GRAMD1B: variants seen among roughly 807,000 people sequenced by gnomAD.
GRAMD1B encodes the protein GRAM domain containing 1B, also known as protein Aster-B.
GRAMD1B carries 37 observed loss-of-function variants against 99.7 expected under a neutral mutation model. The observed-to-expected ratio is 0.37, with a 90% CI of 0.29 to 0.49. GRAMD1B has a LOEUF of 0.49. Among genes scored for constraint, GRAMD1B ranks in the 20% least tolerant of loss-of-function variants. GRAMD1B has a pLI of 0.98. For synonymous variants in GRAMD1B, 427 were observed against 387.6 expected (o/e 1.10, Z -1.19); for missense variants, 888 against 1,009.2 (o/e 0.88, Z 1.63).
At chr11:123,545,662 G>A (rs1470924492) in intron 2 of GRAMD1B, among the ~76,000 whole-genome samples, 1 of 152,116 alleles carries the variant, frequency 6.6e-6, no homozygotes, top group African/African-American at 2.4e-5. Context: ...ATTGTTATGA[G>A]AATTAAAGGA....
chr11:123,431,063 C>G lies in GRAMD1B; in HGVS notation c.271C>G (p.Pro91Ala). 1.4e-6 allele frequency: 1 copy of G among 703,044 alleles called. No individual in the cohort carries two copies. Among genetic ancestry groups the G allele is most frequent in the Non-Finnish European group, 2.6e-6 (1 of 384,998 alleles). The allele number at this position is 703,044 out of a possible 1,614,324, so 43.6% of individuals were successfully genotyped here. The change falls in exon 1 of 20, where the codon CCG becomes GCG. Residue 91 changes from proline (P) to alanine (A), a missense_variant. Coordinates refer to ENST00000635736, the MANE Select transcript of GRAMD1B (RefSeq NM_001387025.1). ...EITPSSDEDT[P>A]WSNCSTPSAS... Reference sequence around the variant, plus strand: ...CACGCCCTCCAGCGACGAGGACACCCCGTGGTCCAACTGCTCCACACCCAG... The same window carrying G: ...CACGCCCTCCAGCGACGAGGACACCGCGTGGTCCAACTGCTCCACACCCAG...
chr11:123,581,734 A>G (rs538881157), intron 3 of GRAMD1B, among the ~76,000 whole-genome samples: 1 of 152,322 alleles, frequency 6.6e-6, no homozygotes, highest in African/African-American at 2.4e-5. Flanking sequence ...CCCACGCTTT[A>G]CAAAAGAGCA....
chr11:123,562,129 G>A (rs1011500935), intron 2 of GRAMD1B, among the ~76,000 whole-genome samples: 23 of 152,120 alleles, frequency 1.5e-4, no homozygotes, highest in Admixed American at 1.5e-3. Flanking sequence ...TGGGAGGATC[G>A]CTTGAGCCTA....
At chr11:123,375,498 G>A (rs1946663826) in intron 1 of GRAMD1B, among the ~76,000 whole-genome samples, 1 of 152,092 alleles carries the variant, frequency 6.6e-6, no homozygotes, top group Non-Finnish European at 1.5e-5. Context: ...TGTGGGGTTG[G>A]GGTACAAAAA....
rs140771448 is a variant in GRAMD1B at position 123,469,707 on chromosome 11, TTTTC to T, written c.375-11093_375-11090del. Among the ~76,000 whole-genome samples, 1,046 of 151,796 alleles carry T rather than the reference TTTTC, an allele frequency of 6.9e-3. 8 individuals are homozygous for T. Among genetic ancestry groups the T allele is most frequent in the African/African-American group, 0.018 (724 of 41,264 alleles). ...TTCTTGTCCTTTCCCTTTCTCTTTC[TTTTC>T]TTTCTTTCTTTCTTTTTTTCTTTCT... On this transcript the variant is annotated intron_variant, in intron 1 of 19. Transcript: ENST00000635736.
intron 19 of GRAMD1B, chr11:123,619,665 A>G (rs983249095): frequency 8.0e-6 from 2 of 250,552 alleles, no homozygotes; most frequent in Non-Finnish European, 1.3e-5. Flanking sequence ...GTCTGGGAAG[A>G]TGGCTGTACT....
chr11:123,555,874 T>C (rs1946128351), intron 2 of GRAMD1B, among the ~76,000 whole-genome samples: 1 of 151,918 alleles, frequency 6.6e-6, no homozygotes, highest in Admixed American at 6.6e-5. Flanking sequence ...GCTGGGATTA[T>C]AGGCGCCCAC....
At chr11:123,598,621 G>A in intron 7 of GRAMD1B, 6 of 1,419,036 alleles carry the variant, frequency 4.2e-6, no homozygotes, top group South Asian at 1.2e-5. Context: ...CGCTCTTCTG[G>A]GATCCTGCCA....
In GRAMD1B at chr11:123,624,705, T is replaced by A. The variant is rs1196619194; in HGVS notation, c.*2110T>A. 6.6e-6 allele frequency: 1 copy of A among 152,220 alleles called. No individual in the cohort carries two copies. The highest frequency in any genetic ancestry group is 1.5e-5 in the Non-Finnish European group (1 of 68,036). The allele number at this position is 152,220 out of a possible 1,614,324, so 9.4% of individuals were successfully genotyped here. A position where few individuals can be genotyped will look rare whatever the true frequency, so the allele number is the denominator to read the frequency against. On this transcript the variant is annotated 3_prime_UTR_variant, in exon 20 of 20. Coordinates refer to ENST00000635736, the MANE Select transcript of GRAMD1B (RefSeq NM_001387025.1). ...AAGCCAAAACTATTCCCAGAAAGTT[T>A]TGAATGCAAAACTTGTAGATTCCTG...
intron 2 of GRAMD1B, among the ~76,000 whole-genome samples, chr11:123,556,952 G>A (rs536363272): frequency 3.9e-5 from 6 of 152,344 alleles, no homozygotes; most frequent in African/African-American, 1.4e-4. Context: ...CTAATGGCAT[G>A]TCAGTAGCCC....
chr11:123,554,348 C>T (rs1945925615), intron 2 of GRAMD1B, among the ~76,000 whole-genome samples: 1 of 151,940 alleles, frequency 6.6e-6, no homozygotes, highest in Non-Finnish European at 1.5e-5. Flanking sequence ...GTGAGGGTCC[C>T]ATAAGACAGA....
intron 1 of GRAMD1B, among the ~76,000 whole-genome samples, chr11:123,437,243 T>C (rs1216956589): frequency 6.6e-6 from 1 of 152,210 alleles, no homozygotes; most frequent in East Asian, 1.9e-4. Flanking sequence ...TTAGCATTAA[T>C]ACTCACATGT....
chr11:123,544,485 T>A (rs1300567297), intron 2 of GRAMD1B, among the ~76,000 whole-genome samples: 1 of 152,238 alleles, frequency 6.6e-6, no homozygotes, highest in African/African-American at 2.4e-5. Context: ...AGTTCATATA[T>A]GTCTCTCTTG....
chr11:123,545,355 C>T (rs905117653), intron 2 of GRAMD1B, among the ~76,000 whole-genome samples: 5 of 152,168 alleles, frequency 3.3e-5, no homozygotes, highest in Admixed American at 6.5e-5. Flanking sequence ...CCCGGGAATC[C>T]GATTATCAAT....
At chr11:123,611,781 C>T (rs942702765) in intron 14 of GRAMD1B, among the ~76,000 whole-genome samples, 2 of 152,084 alleles carry the variant, frequency 1.3e-5, no homozygotes, top group Non-Finnish European at 2.9e-5. Flanking sequence ...TACAGGCATT[C>T]TCCCATCTGG....
At chr11:123,539,588 A>G (rs1944307256) in intron 2 of GRAMD1B, among the ~76,000 whole-genome samples, 1 of 152,044 alleles carries the variant, frequency 6.6e-6, no homozygotes, top group African/African-American at 2.4e-5. Flanking sequence ...GGTGACAGAG[A>G]GAGACCCTGT....
chr11:123,536,822 C>T (rs1355273021), intron 2 of GRAMD1B, among the ~76,000 whole-genome samples: 1 of 152,152 alleles, frequency 6.6e-6, no homozygotes, highest in Admixed American at 6.5e-5. Context: ...TCTTCCAACT[C>T]CTGTCCCACA....
At chr11:123,467,086 A>G (rs1950715472) in intron 1 of GRAMD1B, among the ~76,000 whole-genome samples, 1 of 152,198 alleles carries the variant, frequency 6.6e-6, no homozygotes, top group Admixed American at 6.5e-5. Context: ...GTGAGGGATC[A>G]TTTACCCTTT....
At chr11:123,441,751 A>G (rs1467883953) in intron 1 of GRAMD1B, among the ~76,000 whole-genome samples, 1 of 151,996 alleles carries the variant, frequency 6.6e-6, no homozygotes, top group Non-Finnish European at 1.5e-5. Context: ...AGCCATGACC[A>G]CGCCACTGCA....
Sources: allele counts gnomAD v4.1 joint callset (sites outside exome capture counted in the v4.1 genomes callset), GRCh38; gene constraint gnomAD v4.1.1; transcripts MANE v1.5; gene names NCBI Gene and HGNC (gene_info 2026-07-23, HGNC 2026-07-21).